OPCML: variants seen among roughly 807,000 people sequenced by gnomAD.
OPCML encodes opioid binding protein/cell adhesion molecule like.
OPCML carries 13 observed loss-of-function variants against 37.8 expected under a neutral mutation model. The observed-to-expected ratio is 0.34, with a 90% confidence interval of 0.22 to 0.55. OPCML has a LOEUF of 0.55. OPCML is among the 20% of genes least tolerant of loss of function. The probability of loss-of-function intolerance (pLI) is 0.91; values close to 1 mark genes in which losing one functional copy is unlikely to be tolerated. For synonymous variants in OPCML, 176 were observed against 168.8 expected, an observed-to-expected ratio of 1.04 and a Z score of -0.33; for missense variants, 341 against 435.6, an observed-to-expected ratio of 0.78 and a Z score of 1.93.
chr11:132,877,117 G>C (rs1162537473), intron 2 of OPCML, among the ~76,000 whole-genome samples: 1 of 152,088 alleles, frequency 6.6e-6, no homozygotes, highest in Admixed American at 6.5e-5. Context: ...ATTTAAAAGT[G>C]ATATATATCC....
At chr11:132,491,920 C>T (rs1183520177) in intron 4 of OPCML, among the ~76,000 whole-genome samples, 1 of 138,222 alleles carries the variant, frequency 7.2e-6, no homozygotes, top group East Asian at 2.3e-4. Flanking sequence ...TTGGGACATA[C>T]CTAATTTTTT....
At chr11:132,778,902 C>T (rs773965841) in intron 2 of OPCML, among the ~76,000 whole-genome samples, 1 of 149,950 alleles carries the variant, frequency 6.7e-6, no homozygotes, top group Non-Finnish European at 1.5e-5. Flanking sequence ...CTGAATATTC[C>T]TTTTTTCTTA....
intron 3 of OPCML, among the ~76,000 whole-genome samples, chr11:132,644,886 A>T (rs1941066023): frequency 6.6e-6 from 1 of 152,244 alleles, no homozygotes; most frequent in Admixed American, 6.5e-5. Flanking sequence ...TTAAAAACAA[A>T]TTGAATACAG....
chr11:132,500,206 C>A (rs894778535), intron 4 of OPCML, among the ~76,000 whole-genome samples: 2 of 152,174 alleles, frequency 1.3e-5, no homozygotes, highest in Non-Finnish European at 2.9e-5. Flanking sequence ...GGCCCCCCTG[C>A]AAGTGAAATT....
At chr11:133,170,852 C>T (rs1253130478) in intron 1 of OPCML, among the ~76,000 whole-genome samples, 2 of 152,264 alleles carry the variant, frequency 1.3e-5, no homozygotes, top group South Asian at 2.1e-4. Context: ...GGCAACTTGT[C>T]CCCCCAAAAG....
chr11:132,938,288 A>G (rs1297201212), intron 2 of OPCML, among the ~76,000 whole-genome samples: 2 of 152,076 alleles, frequency 1.3e-5, no homozygotes, highest in African/African-American at 4.8e-5. Context: ...ACATGAAAAA[A>G]TAACAGGTCC....
rs559842360 is a variant in OPCML, at chr11:132,949,513, C to T, written c.62-6503G>A. ...CTGCTTTGGGTATGGATGGATACTT[C>T]CAACCAGTATCCTGGGCTGTGAAAA... On this transcript the variant is annotated intron_variant, in intron 1 of 7. Transcript: ENST00000524381. 9.9e-5 allele frequency among the ~76,000 whole-genome samples: 15 copies of T among 152,284 alleles called. No individual in the cohort carries two copies. In the South Asian group the frequency reaches 2.9e-3, roughly 29 times the overall value.
At chr11:132,571,231 C>T (rs78938415) in intron 3 of OPCML, among the ~76,000 whole-genome samples, 19,967 of 151,936 alleles carry the variant, frequency 0.13, 1,802 homozygotes, top group East Asian at 0.44. Flanking sequence ...GGGCCTTCAG[C>T]CACAGACTGA....
Position 133,205,494 on chromosome 11 carries a change from T to C in OPCML, c.62-262484A>G, listed in dbSNP as rs1340027506. ...CTGGTCCCAACCCAGGGCTTGCACCTAGCACCTGAAGTGGGAGGCAGTGCT... is the reference window on the plus strand; with the variant it reads ...CTGGTCCCAACCCAGGGCTTGCACCCAGCACCTGAAGTGGGAGGCAGTGCT... On this transcript the variant is annotated intron_variant, in intron 1 of 7. Coordinates refer to ENST00000524381, the MANE Select transcript of OPCML (RefSeq NM_001012393.5). This position sits in a 1 kb window ranked among gnomAD's most constrained non-coding sequence, Gnocchi z 4.8. Among the ~76,000 whole-genome samples the C allele has an allele frequency of 6.6e-6, 1 of 152,188 alleles. No homozygotes were observed. Among genetic ancestry groups the C allele is most frequent in the Non-Finnish European group, 1.5e-5 (1 of 68,042 alleles).
At chr11:132,875,710 G>A (rs35350240) in intron 2 of OPCML, among the ~76,000 whole-genome samples, 1,961 of 152,114 alleles carry the variant, frequency 0.013, 42 homozygotes, top group East Asian at 0.065. Flanking sequence ...GGGCCCACCC[G>A]CCTCGGCCTC....
chr11:132,785,907 A>T (rs2136165014), intron 2 of OPCML, among the ~76,000 whole-genome samples: 1 of 152,366 alleles, frequency 6.6e-6, no homozygotes, highest in African/African-American at 2.4e-5. Context: ...TTTTTTAAAA[A>T]ATATTTTATC....
chr11:133,396,898 C>T (rs1333866125), intron 1 of OPCML, among the ~76,000 whole-genome samples: 1 of 152,178 alleles, frequency 6.6e-6, no homozygotes, highest in African/African-American at 2.4e-5. Flanking sequence ...ATTCCTACTT[C>T]TACTGAGGCA....
chr11:132,731,145 T>A (rs1296141225), intron 2 of OPCML, among the ~76,000 whole-genome samples: 1 of 152,168 alleles, frequency 6.6e-6, no homozygotes. Context: ...GATAGGGTGA[T>A]TAAGAAAGCA....
chr11:132,953,863 A>G lies in OPCML; in HGVS notation c.62-10853T>C, dbSNP rs548870236. On this transcript the variant is annotated intron_variant, in intron 1 of 7. Coordinates refer to ENST00000524381, the MANE Select transcript of OPCML (RefSeq NM_001012393.5). Reference sequence around the variant, plus strand: ...GGAAAAACAACATTTTTTTATTTAAAGAACGAGCAAAATGTATGTAAGGTG... The same window carrying G: ...GGAAAAACAACATTTTTTTATTTAAGGAACGAGCAAAATGTATGTAAGGTG... Among the ~76,000 whole-genome samples the G allele has an allele frequency of 3.9e-5, 6 of 152,330 alleles. No homozygotes were observed. In the East Asian group the frequency reaches 9.7e-4, roughly 25 times the overall value.
chr11:132,729,795 G>T (rs1432033116), intron 2 of OPCML, among the ~76,000 whole-genome samples: 2 of 152,128 alleles, frequency 1.3e-5, no homozygotes, highest in African/African-American at 4.8e-5. Flanking sequence ...GAGAACAGTT[G>T]TCAGGAGACA....
chr11:133,128,307 G>A (rs1949549483), intron 1 of OPCML, among the ~76,000 whole-genome samples: 1 of 152,142 alleles, frequency 6.6e-6, no homozygotes. Flanking sequence ...TCTGACAGTT[G>A]TCCTAATGCC....
At chr11:132,925,953 C>T (rs924388064) in intron 2 of OPCML, among the ~76,000 whole-genome samples, 2 of 152,196 alleles carry the variant, frequency 1.3e-5, no homozygotes, top group African/African-American at 4.8e-5. Context: ...GTTGCTAGAA[C>T]ACAGTGAGCA....
At chr11:132,531,623 C>T (rs1409749835) in intron 3 of OPCML, among the ~76,000 whole-genome samples, 1 of 152,044 alleles carries the variant, frequency 6.6e-6, no homozygotes, top group Non-Finnish European at 1.5e-5. Flanking sequence ...ATAAATCTGC[C>T]ATATTTGGGA....
At chr11:132,962,730 T>C (rs1283325436) in intron 1 of OPCML, among the ~76,000 whole-genome samples, 2 of 152,210 alleles carry the variant, frequency 1.3e-5, no homozygotes, top group African/African-American at 4.8e-5. Context: ...GAAAGAAGGC[T>C]GTGACAAAGG....
Sources: gnomAD v4.1 joint callset for allele counts (sites outside exome capture counted in the v4.1 genomes callset) on GRCh38, gnomAD v4.1.1 for gene constraint, Gnocchi (gnomAD v3.1) non-coding constraint, MANE v1.5 for transcripts, NCBI Gene and HGNC (gene_info 2026-07-23, HGNC 2026-07-21) for gene names.